The following PPP2R2B variants were observed in gnomAD, a reference collection of about 807,000 sequenced individuals.
PPP2R2B encodes serine/threonine-protein phosphatase 2A 55 kDa regulatory subunit B beta isoform.
PPP2R2B carries 5 observed loss-of-function variants against 46.0 expected under a neutral mutation model. The ratio of observed to expected loss-of-function variants is 0.11; its 90% confidence interval spans 0.06 to 0.23. PPP2R2B has a LOEUF of 0.23. Ranked by LOEUF, PPP2R2B falls within the 10% of genes least tolerant of loss-of-function variation. PPP2R2B has a pLI of 1.00. For synonymous variants in PPP2R2B, 215 were observed against 206.7 expected (o/e 1.04, Z -0.34); for missense variants, 367 against 575.0 (o/e 0.64, Z 3.70).
intron 8 of PPP2R2B, among the ~76,000 whole-genome samples, chr5:146,598,478 G>C (rs1771439062): frequency 6.6e-6 from 1 of 152,158 alleles, no homozygotes. Flanking sequence ...ACTTGTGAGT[G>C]TCAGATTTAT....
chr5:146,617,413 G>A (rs984607808), intron 7 of PPP2R2B, among the ~76,000 whole-genome samples: 1 of 152,106 alleles, frequency 6.6e-6, no homozygotes, highest in Non-Finnish European at 1.5e-5. Flanking sequence ...TGAATATACC[G>A]TTTACCCCAA....
intron 2 of PPP2R2B, among the ~76,000 whole-genome samples, chr5:146,750,582 T>A (rs1426384574): frequency 1.3e-5 from 2 of 152,090 alleles, no homozygotes; most frequent in African/African-American, 4.8e-5. Context: ...AATAACTCAA[T>A]CAGATGTTAA....
Position 146,840,817 on chromosome 5 carries a change from C to T in PPP2R2B, c.70+37185G>A, listed in dbSNP as rs892716736. On this transcript the variant is annotated intron_variant, in intron 2 of 9. Coordinates refer to ENST00000394411, the MANE Select transcript of PPP2R2B (RefSeq NM_181675.4). ...ACTGCTCATTCTAAAACAATCTATT[C>T]ATTGTCTGTAATGTGTGAGACATTG... is the stretch of plus-strand genomic sequence containing the variant. 5.9e-5 allele frequency among the ~76,000 whole-genome samples: 9 copies of T among 152,270 alleles called. No homozygotes were observed. In the South Asian group the frequency reaches 1.0e-3, roughly 18 times the overall value.
chr5:146,874,562 G>A (rs1310848675), intron 2 of PPP2R2B, among the ~76,000 whole-genome samples: 3 of 152,146 alleles, frequency 2.0e-5, no homozygotes, highest in Non-Finnish European at 4.4e-5. Flanking sequence ...TTTGGCATAG[G>A]TTCTATTGTT....
At chr5:146,665,769 A>G (rs1365237759) in intron 5 of PPP2R2B, among the ~76,000 whole-genome samples, 2 of 152,208 alleles carry the variant, frequency 1.3e-5, no homozygotes, top group African/African-American at 4.8e-5. Context: ...AGAAACCCAA[A>G]ACACCCCATA....
At chr5:146,650,144 T>C (rs1435729643) in intron 6 of PPP2R2B, among the ~76,000 whole-genome samples, 2 of 152,202 alleles carry the variant, frequency 1.3e-5, no homozygotes, top group East Asian at 3.8e-4. Context: ...ACTATTATTT[T>C]CACTATTATG....
chr5:146,724,436 T>A (rs1460410671), intron 2 of PPP2R2B, among the ~76,000 whole-genome samples: 2 of 152,176 alleles, frequency 1.3e-5, no homozygotes, highest in Non-Finnish European at 2.9e-5. Flanking sequence ...ATGCCCTTGA[T>A]GTTATAATGC....
chr5:146,843,416 G>A (rs1376769405), intron 2 of PPP2R2B, among the ~76,000 whole-genome samples: 1 of 152,176 alleles, frequency 6.6e-6, no homozygotes, highest in East Asian at 1.9e-4. Flanking sequence ...ACCCTGCAGT[G>A]ATAGAGTAGA....
intron 1 of PPP2R2B, among the ~76,000 whole-genome samples, chr5:147,013,085 C>A (rs1218190346): frequency 1.3e-5 from 2 of 149,950 alleles, no homozygotes; most frequent in Non-Finnish European, 3.0e-5. Context: ...TCTTATACAC[C>A]AACAACAGAC....
At chr5:146,615,949 A>G (rs322502) in intron 7 of PPP2R2B, among the ~76,000 whole-genome samples, 3,881 of 152,290 alleles carry the variant, frequency 0.025, 155 homozygotes, top group African/African-American at 0.089. Flanking sequence ...TTAAGCAAAA[A>G]ACAAAACTGG....
chr5:146,842,552 T>A (rs993751289), intron 2 of PPP2R2B, among the ~76,000 whole-genome samples: 1 of 150,316 alleles, frequency 6.7e-6, no homozygotes, highest in African/African-American at 2.5e-5. Flanking sequence ...TAGAAAAACA[T>A]GTGCCGTGGG....
At chr5:147,044,617 C>T (rs796846405) in intron 1 of PPP2R2B, among the ~76,000 whole-genome samples, 2 of 152,078 alleles carry the variant, frequency 1.3e-5, no homozygotes, top group Admixed American at 6.6e-5. Context: ...CAGGATTTTA[C>T]ATTTGGGGTT....
chr5:146,888,695 G>A (rs538721142), intron 1 of PPP2R2B, among the ~76,000 whole-genome samples: 2 of 151,876 alleles, frequency 1.3e-5, no homozygotes, highest in African/African-American at 2.4e-5. Context: ...ATCAAATGCA[G>A]CACCACCAAA....
chr5:146,910,742 C>G (rs748389333), intron 1 of PPP2R2B, among the ~76,000 whole-genome samples: 7 of 152,114 alleles, frequency 4.6e-5, no homozygotes, highest in Non-Finnish European at 8.8e-5. Flanking sequence ...TATAGTCTTT[C>G]AGAAGTTTCT....
rs1770335996 is a variant in PPP2R2B at position 146,589,115 on chromosome 5, A to C, written c.*832T>G. 6.6e-6 allele frequency: 1 copy of C among 152,248 alleles called. No homozygotes were observed. Among genetic ancestry groups the C allele is most frequent in the Admixed American group, 6.6e-5 (1 of 15,266 alleles). 9.4% of individuals were successfully genotyped at this position (152,248 alleles called of 1,614,324 possible). On this transcript the variant is annotated 3_prime_UTR_variant, in exon 10 of 10. Coordinates refer to ENST00000394411, the MANE Select transcript of PPP2R2B (RefSeq NM_181675.4). The stretch of plus-strand genomic sequence containing the variant: ...TAAGCTGGAAAAGGTTGAAGAGAAA[A>C]AAGCCAAGGAACATGTAAGTAGAAG...
At chr5:146,805,875 C>T (rs1181446408) in intron 2 of PPP2R2B, among the ~76,000 whole-genome samples, 2 of 152,084 alleles carry the variant, frequency 1.3e-5, no homozygotes, top group African/African-American at 2.4e-5. Flanking sequence ...CCTTAATTAT[C>T]GGCAGCTCGA....
At position 147,024,153 on chromosome 5, in the gene PPP2R2B, CTCTATCTA is replaced by C. The variant is rs57080635; in HGVS notation, c.79+31504_79+31511del. 6.1e-3 allele frequency among the ~76,000 whole-genome samples: 890 copies of C among 145,640 alleles called. 10 individuals carry two copies. Among genetic ancestry groups the C allele is most frequent in the African/African-American group, 0.014 (561 of 39,100 alleles). On this transcript the variant is annotated intron_variant, in intron 1 of 8. Transcript: ENST00000336640. ...GCCAATTCTCATAATAAATCCCCTC[CTCTATCTA>C]TCTATCTATCTATCTATCTATCTAT... is the stretch of plus-strand genomic sequence containing the variant.
chr5:146,845,489 G>A (rs1332932648), intron 2 of PPP2R2B, among the ~76,000 whole-genome samples: 3 of 151,888 alleles, frequency 2.0e-5, no homozygotes, highest in South Asian at 2.1e-4. Flanking sequence ...TCCTGACCTC[G>A]TGATCCGCCC....
rs756171429 is a variant in PPP2R2B at position 146,758,586 on chromosome 5, T to C, written c.71-57444A>G. 7.2e-5 allele frequency among the ~76,000 whole-genome samples: 11 copies of C among 152,190 alleles called. No individual in the cohort carries two copies. The East Asian group carries it at 1.7e-3, about 24-fold the overall frequency. ...ACTAATGAATGAGTTCCCCATTAAG[T>C]TGGCTCCATGAGACGCCACAAACTT... On this transcript the variant is annotated intron_variant, in intron 2 of 9. Coordinates refer to ENST00000394411, the MANE Select transcript of PPP2R2B (RefSeq NM_181675.4).
Sources: gnomAD v4.1 joint callset for allele counts (sites outside exome capture counted in the v4.1 genomes callset) on GRCh38, gnomAD v4.1.1 for gene constraint, MANE v1.5 for transcripts, NCBI Gene and HGNC (gene_info 2026-07-23, HGNC 2026-07-21) for gene names.